ZFYVE19: variants seen among roughly 807,000 people sequenced by gnomAD.
The protein encoded by ZFYVE19 is zinc finger FYVE-type containing 19.
Under a neutral mutation model 62.8 loss-of-function variants are expected in ZFYVE19, and 49 were observed. The observed-to-expected ratio is 0.78, with a 90% CI of 0.62 to 0.99. ZFYVE19 has a LOEUF of 0.99. Ranked by LOEUF, ZFYVE19 falls within the 50% of genes least tolerant of loss-of-function variation. ZFYVE19 has a pLI of 0.00. For synonymous variants in ZFYVE19, 242 were observed against 234.3 expected, an observed-to-expected ratio of 1.03 and a Z score of -0.30; for missense variants, 630 against 601.9, an observed-to-expected ratio of 1.05 and a Z score of -0.49.
At position 40,812,581 on chromosome 15, in the gene ZFYVE19, GAAAGAAAGAA is replaced by G. The variant is rs1426556343; in HGVS notation, c.827-114_827-105del. 1.4e-3 allele frequency: 453 copies of G among 317,642 alleles called. 12 individuals are homozygous for G. Among genetic ancestry groups the G allele is most frequent in the Middle Eastern group, 0.012 (11 of 922 alleles). 19.7% of individuals were successfully genotyped at this position (317,642 alleles called of 1,614,324 possible). On this transcript the variant is annotated intron_variant, in intron 6 of 10. Coordinates refer to ENST00000355341, the MANE Select transcript of ZFYVE19 (RefSeq NM_001077268.2). ...AAAAAGAAAGAAAGAAAGAAAGAAA[GAAAGAAAGAA>G]AAAATTATTAAAGAAAAAGAAAAGA...
At position 40,810,173 on chromosome 15, in the gene ZFYVE19, C is replaced by G; in HGVS notation, c.674C>G (p.Ala225Gly). 1 of 1,614,200 alleles carries G rather than the reference C, an allele frequency of 6.2e-7. No homozygotes were observed. The highest frequency in any genetic ancestry group is 8.5e-7 in the Non-Finnish European group (1 of 1,180,042). Residue 225 changes from alanine (A) to glycine (G), a missense_variant, in exon 5 of 11, where the codon GCA becomes GGA. Transcript: ENST00000355341. ...ACCCAGGAAATGGAGGCACGACTTGCAGCGTTGCAGGGCAGAGTTCTACCT... is the reference window on the plus strand; with the variant it reads ...ACCCAGGAAATGGAGGCACGACTTGGAGCGTTGCAGGGCAGAGTTCTACCT... ...PSTQEMEARL[A>G]ALQGRVLPSQ... is the part of the protein sequence containing the mutation.
At chr15:40,808,896 C>A (rs1045495921) in intron 1 of ZFYVE19, 34 of 522,432 alleles carry the variant, frequency 6.5e-5, no homozygotes, top group African/African-American at 6.1e-4. Flanking sequence ...GGGTAGAAAG[C>A]ATGGGAATTT....
At chr15:40,811,029 CAT>C (rs140040379) in intron 6 of ZFYVE19, 11,994 of 394,464 alleles carry the variant, frequency 0.03, 534 homozygotes, top group African/African-American at 0.14. Context: ...TCACTTTCCT[CAT>C]GTGTAAAATG....
In ZFYVE19 at chr15:40,814,128, T is replaced by C. The variant is rs1484177407; in HGVS notation, c.1338-20T>C. 8 of 1,614,186 alleles carry C rather than the reference T, an allele frequency of 5.0e-6. No homozygotes were observed. Among genetic ancestry groups the C allele is most frequent in the Non-Finnish European group, 6.8e-6 (8 of 1,180,032 alleles). ...TCAAGGGCTGCCTGGATCCCTGACT[T>C]GTATCCCTTTGTTCCACAGAGAGGG... On this transcript the variant is annotated intron_variant, in intron 10 of 10. Coordinates refer to ENST00000355341, the MANE Select transcript of ZFYVE19 (RefSeq NM_001077268.2).
chr15:40,809,947 G>A lies in ZFYVE19; in HGVS notation c.548G>A (p.Arg183Gln), dbSNP rs967158631. Residue 183 changes from arginine (R) to glutamine (Q), a missense_variant, in exon 4 of 11, where the codon CGA becomes CAA. Arg to Gln is a conservative substitution (Grantham distance 43). Coordinates refer to ENST00000355341, the MANE Select transcript of ZFYVE19 (RefSeq NM_001077268.2). ...QDQMIAERLARLRQENKPKLV... is the reference protein window; with the variant it reads ...QDQMIAERLAQLRQENKPKLV... ...CAGATGATTGCTGAGCGCCTAGCACGACTCCGCCAGGAGAACAAGCCCAGT... is the reference window on the plus strand; with the variant it reads ...CAGATGATTGCTGAGCGCCTAGCACAACTCCGCCAGGAGAACAAGCCCAGT... 2.5e-5 allele frequency: 40 copies of A among 1,614,076 alleles called. No individual in the cohort carries two copies. The highest frequency in any genetic ancestry group is 3.3e-4 in the Middle Eastern group (2 of 6,084).
chr15:40,814,702 A>G lies in ZFYVE19; in HGVS notation c.*476A>G, dbSNP rs59956401. The G allele has an allele frequency of 0.068, 12,444 of 184,152 alleles. 1,196 individuals carry two copies. Among genetic ancestry groups the G allele is most frequent in the African/African-American group, 0.24 (9,919 of 42,170 alleles). The allele number at this position is 184,152 out of a possible 1,614,324, so 11.4% of individuals were successfully genotyped here. A position where few individuals can be genotyped will look rare whatever the true frequency, so the allele number is the denominator to read the frequency against. On this transcript the variant is annotated 3_prime_UTR_variant, in exon 11 of 11. Transcript: ENST00000355341. ...ATCCTATGAACTTCTCCAGGCAGGAACAGCCCTACCCATCCTGGTGGCCTC... is the reference window on the plus strand; with the variant it reads ...ATCCTATGAACTTCTCCAGGCAGGAGCAGCCCTACCCATCCTGGTGGCCTC...
chr15:40,814,609 T>G lies in ZFYVE19; in HGVS notation c.*383T>G. 3.7e-6 allele frequency: 1 copy of G among 273,840 alleles called. No homozygotes were observed. Among genetic ancestry groups the G allele is most frequent in the African/African-American group, 2.2e-5 (1 of 45,302 alleles). 17.0% of individuals were successfully genotyped at this position (273,840 alleles called of 1,614,324 possible). A position where few individuals can be genotyped will look rare whatever the true frequency, so the allele number is the denominator to read the frequency against. Reference sequence around the variant, plus strand: ...TCTACAACCCTATGAGCCTGGGCCCTGTGAGAGGTGGCAGGAACAGAGCAG... The same window carrying G: ...TCTACAACCCTATGAGCCTGGGCCCGGTGAGAGGTGGCAGGAACAGAGCAG... On this transcript the variant is annotated 3_prime_UTR_variant, in exon 11 of 11. Coordinates refer to ENST00000355341, the MANE Select transcript of ZFYVE19 (RefSeq NM_001077268.2).
At chr15:40,808,786 C>T in intron 1 of ZFYVE19, 1 of 333,628 alleles carries the variant, frequency 3.0e-6, no homozygotes, top group South Asian at 3.3e-5. Context: ...ATCGGCTCTG[C>T]CCTGTCTCTC....
Position 40,810,631 on chromosome 15 carries a change from G to A in ZFYVE19, c.718-18G>A, listed in dbSNP as rs74998447. On this transcript the variant is annotated intron_variant, in intron 5 of 10. Transcript: ENST00000355341. Reference sequence around the variant, plus strand: ...TGGGCTACCCCTGCTCTCCACTGAGGTTTCCTCGTCTGTGCAGGCACATCA... The same window carrying A: ...TGGGCTACCCCTGCTCTCCACTGAGATTTCCTCGTCTGTGCAGGCACATCA... The A allele has an allele frequency of 1.2e-3, 1,851 of 1,554,954 alleles. 21 individuals are homozygous for A. The East Asian group carries it at 0.029, about 24-fold the overall frequency.
chr15:40,810,868 G>T, intron 6 of ZFYVE19, 111 bp downstream of exon 6: 7 of 1,355,892 alleles, frequency 5.2e-6, no homozygotes, highest in Non-Finnish European at 7.0e-6. Flanking sequence ...AGTGATCAAC[G>T]TTATAAGAGT....
At position 40,807,204 on chromosome 15, in the gene ZFYVE19, C is replaced by G; in HGVS notation, c.-386C>G. ...TTCCTCTTGAGGCCCTCGGACCGTC[C>G]AGGAAATGTCTGGGAGCCCGCCTGC... On this transcript the variant is annotated 5_prime_UTR_variant, in exon 1 of 11. Transcript: ENST00000355341. The G allele has an allele frequency of 2.0e-6, 3 of 1,505,818 alleles. No individual in the cohort carries two copies. The highest frequency in any genetic ancestry group is 1.8e-6 in the Non-Finnish European group (2 of 1,125,410). The allele number at this position is 1,505,818 out of a possible 1,614,324, so 93.3% of individuals were successfully genotyped here. A position where few individuals can be genotyped will look rare whatever the true frequency, so the allele number is the denominator to read the frequency against.
Position 40,812,705 on chromosome 15 carries a change from C to G in ZFYVE19, c.833C>G (p.Ser278Cys), listed in dbSNP as rs761243727. The G allele has an allele frequency of 1.9e-6, 3 of 1,606,476 alleles. No individual in the cohort carries two copies. The highest frequency in any genetic ancestry group is 2.5e-6 in the Non-Finnish European group (3 of 1,179,974). ...ATGGCATTACCCCTTCCAGCTGCCT[C>G]TCTCCAGAATGATCTCAACCAGGGT... Reference protein sequence around the residue: ...ESWKGGGPAASLQNDLNQGGP... With the variant: ...ESWKGGGPAACLQNDLNQGGP... The change falls in exon 7 of 11, where the codon TCT (serine) becomes TGT (cysteine). Residue 278 changes from serine (S) to cysteine (C), a missense_variant. Ser to Cys is a moderately radical substitution (Grantham distance 112). Coordinates refer to ENST00000355341, the MANE Select transcript of ZFYVE19 (RefSeq NM_001077268.2).
Position 40,807,655 on chromosome 15 carries a change from C to T in ZFYVE19, c.66C>T (p.Ser22=), listed in dbSNP as rs199645685. ...CGTACGCTGGCTGCAGGAGAGCGTC[C>T]GGATTCCCTGCTCTAGGTCGCGGCG... ...PLPYAGCRRA[S]GFPALGRGGT... is the part of the protein sequence containing the mutation. The change falls in exon 1 of 11, where the codon TCC becomes TCT. Residue 22 remains serine, a synonymous_variant. Transcript: ENST00000355341. The T allele has an allele frequency of 1.1e-3, 1,770 of 1,612,544 alleles. 6 individuals carry two copies. Among genetic ancestry groups the T allele is most frequent in the Non-Finnish European group, 1.0e-3 (1,189 of 1,179,752 alleles).
At chr15:40,810,312 G>A (rs1174380259) in intron 5 of ZFYVE19, 96 bp downstream of exon 5, 1 of 1,518,426 alleles carries the variant, frequency 6.6e-7, no homozygotes. Flanking sequence ...AAGTAATTGT[G>A]GTTTTTGTCA....
At chr15:40,810,376 T>A (rs1890446336) in intron 5 of ZFYVE19, among the ~76,000 whole-genome samples, 160 bp downstream of exon 5, 2 of 152,240 alleles carry the variant, frequency 1.3e-5, no homozygotes, top group African/African-American at 4.8e-5. Context: ...TTGTACTTTA[T>A]GTACTTTGCA....
Position 40,812,885 on chromosome 15 carries a change from G to A in ZFYVE19, c.1013G>A (p.Gly338Glu), listed in dbSNP as rs574892620. ...ALAKRLAMLR[G>E]QDPERVTLQD... ...GCCAAGCGACTAGCCATGCTGCGGG[G>A]ACAGGACCCCGAGAGAGGTGAAGGC... Residue 338 changes from glycine to glutamate, a missense_variant, in exon 7 of 11, where the codon GGA becomes GAA. Coordinates refer to ENST00000355341, the MANE Select transcript of ZFYVE19 (RefSeq NM_001077268.2). 1.2e-6 allele frequency: 2 copies of A among 1,611,878 alleles called. No homozygotes were observed. The highest frequency in any genetic ancestry group is 1.7e-5 in the Admixed American group (1 of 60,010).
chr15:40,813,561 C>G, intron 8 of ZFYVE19, 144 bp downstream of exon 8: 1 of 1,133,704 alleles, frequency 8.8e-7, no homozygotes, highest in Non-Finnish European at 1.3e-6. Context: ...GACCTGCCCA[C>G]TGGTCCCTGG....
chr15:40,811,609 G>A (rs530542167), intron 6 of ZFYVE19, among the ~76,000 whole-genome samples: 1 of 150,988 alleles, frequency 6.6e-6, no homozygotes, highest in Non-Finnish European at 1.5e-5. Context: ...TGTGGCTCAC[G>A]CCTGTAATCC....
At chr15:40,809,606 G>T in intron 3 of ZFYVE19, 148 bp downstream of exon 3, 1 of 1,073,650 alleles carries the variant, frequency 9.3e-7, no homozygotes, top group Non-Finnish European at 1.4e-6. Flanking sequence ...TCTTGGGCTG[G>T]TAAAGCAGCT....
Sources: allele counts gnomAD v4.1 joint callset (sites outside exome capture counted in the v4.1 genomes callset), GRCh38; gene constraint gnomAD v4.1.1; transcripts MANE v1.5; gene names NCBI Gene and HGNC (gene_info 2026-07-23, HGNC 2026-07-21).